Variants in ANOS1 observed in about 807,000 individuals in gnomAD.
ANOS1 encodes anosmin 1.
ANOS1 carries 6 observed loss-of-function variants against 59.0 expected under a neutral mutation model. The observed-to-expected ratio is 0.10, with a 90% CI of 0.06 to 0.20. The LOEUF (loss-of-function observed/expected upper bound fraction) is 0.20. Ranked by LOEUF, ANOS1 falls within the 10% of genes least tolerant of loss-of-function variation. The pLI is 1.00. For missense variants in ANOS1, 433 were observed against 542.3 expected (o/e 0.80, Z 2.00); for synonymous variants, 217 against 223.4 (o/e 0.97, Z 0.25).
chrX:8,610,033 A>AAAAAAAAAC (rs1287806402), intron 3 of ANOS1, among the ~76,000 whole-genome samples: 1 of 82,701 alleles, frequency 1.2e-5, no homozygotes, highest in Non-Finnish European at 2.3e-5. Context: ...AAAAAAAAAA[A>AAAAAAAAAC]AACAACAACC....
intron 3 of ANOS1, among the ~76,000 whole-genome samples, chrX:8,623,003 G>A (rs914574876): frequency 1.8e-5 from 2 of 108,155 alleles, no homozygotes; most frequent in South Asian, 4.2e-4. Context: ...ATAGCCGGAT[G>A]GATGGATAGC....
intron 3 of ANOS1, among the ~76,000 whole-genome samples, chrX:8,610,033 A>AAAAAAAAAAAAAC (rs1287806402): frequency 2.4e-5 from 2 of 82,703 alleles, no homozygotes; most frequent in African/African-American, 9.8e-5. Flanking sequence ...AAAAAAAAAA[A>AAAAAAAAAAAAAC]AACAACAACC....
intron 1 of ANOS1, among the ~76,000 whole-genome samples, chrX:8,705,324 A>C (rs1339271244): frequency 8.9e-6 from 1 of 112,012 alleles, no homozygotes; most frequent in Non-Finnish European, 1.9e-5. Flanking sequence ...ATATGCATGC[A>C]CACACACAGA....
intron 2 of ANOS1, among the ~76,000 whole-genome samples, chrX:8,641,828 G>C (rs1467319183): frequency 1.8e-5 from 2 of 110,690 alleles, no homozygotes; most frequent in East Asian, 5.6e-4. Flanking sequence ...AATGCTTAGA[G>C]TTCTAGATAG....
chrX:8,575,137 G>C (rs1484617534), intron 6 of ANOS1, among the ~76,000 whole-genome samples: 1 of 112,279 alleles, frequency 8.9e-6, no homozygotes, highest in Non-Finnish European at 1.9e-5. Context: ...AATCAGAATT[G>C]CTAGATCACA....
At chrX:8,620,891 G>A (rs189099579) in intron 3 of ANOS1, among the ~76,000 whole-genome samples, 230 of 111,948 alleles carry the variant, frequency 2.1e-3, no homozygotes, top group Non-Finnish European at 3.5e-3. Flanking sequence ...ACACCTCACA[G>A]TTACCTCAGA....
Position 8,531,691 on chromosome X carries a change from A to T in ANOS1, c.*1304T>A, listed in dbSNP as rs762383710. 1.8e-5 allele frequency: 2 copies of T among 111,696 alleles called. No individual in the cohort carries two copies. The highest frequency in any genetic ancestry group is 3.8e-5 in the Non-Finnish European group (2 of 53,111). The allele number at this position is 111,696 out of a possible 1,213,427, so 9.2% of individuals were successfully genotyped here. On this transcript the variant is annotated 3_prime_UTR_variant, in exon 14 of 14. Coordinates refer to ENST00000262648, the MANE Select transcript of ANOS1 (RefSeq NM_000216.4). ...CATGTATATGCATGTGTCTGTGTGT[A>T]TATACATGTATATGTACATATATTT...
chrX:8,614,327 C>G (rs1458710700), intron 3 of ANOS1, among the ~76,000 whole-genome samples: 1 of 112,259 alleles, frequency 8.9e-6, no homozygotes, highest in African/African-American at 3.2e-5. Context: ...CTCCTCTATG[C>G]TCTAGAGACA....
rs1930493759 is a variant in ANOS1 at position 8,585,372 on chromosome X, T to A, written c.751A>T (p.Thr251Ser). The change falls in exon 6 of 14, where the codon ACT (threonine) becomes TCT (serine). Residue 251 changes from threonine to serine, a missense_variant. Coordinates refer to ENST00000262648, the MANE Select transcript of ANOS1 (RefSeq NM_000216.4). ...AQTTDERVQLTDIRPSRWYQF... is the reference protein window; with the variant it reads ...AQTTDERVQLSDIRPSRWYQF... The stretch of plus-strand genomic sequence containing the variant: ...TACCATCGGCTGGGTCTTATGTCAG[T>A]CAGTTGAACTCGCTCGTCTGTGGTC... The A allele has an allele frequency of 1.7e-6, 2 of 1,211,232 alleles. No homozygotes were observed. Among genetic ancestry groups the A allele is most frequent in the Non-Finnish European group, 2.2e-6 (2 of 895,076 alleles).
intron 3 of ANOS1, among the ~76,000 whole-genome samples, chrX:8,607,721 C>T (rs983094638): frequency 9.0e-6 from 1 of 111,674 alleles, no homozygotes; most frequent in Non-Finnish European, 1.9e-5. Context: ...ATGCAATGTT[C>T]AGCCCACTAA....
At chrX:8,636,626 T>C (rs1931577226) in intron 2 of ANOS1, among the ~76,000 whole-genome samples, 1 of 111,807 alleles carries the variant, frequency 8.9e-6, no homozygotes, top group African/African-American at 3.3e-5. Context: ...TAGAAGGAGC[T>C]TGTAACACTG....
chrX:8,649,934 A>AAAATTTGC (rs1243842640), intron 2 of ANOS1, among the ~76,000 whole-genome samples: 6 of 112,708 alleles, frequency 5.3e-5, no homozygotes, highest in African/African-American at 1.9e-4. Context: ...TGCAAATTAT[A>AAAATTTGC]AAATTTGCAA....
intron 2 of ANOS1, among the ~76,000 whole-genome samples, chrX:8,633,557 G>A (rs1052776233): frequency 2.7e-5 from 3 of 111,800 alleles, no homozygotes; most frequent in Admixed American, 9.5e-5. Context: ...TATTCCCATG[G>A]TCACTGCTCA....
intron 4 of ANOS1, among the ~76,000 whole-genome samples, chrX:8,591,212 A>AT (rs1930610173): frequency 9.0e-6 from 1 of 111,666 alleles, no homozygotes; most frequent in Non-Finnish European, 1.9e-5. Context: ...TCATTCTTGC[A>AT]TTGAAGGGTG....
intron 2 of ANOS1, among the ~76,000 whole-genome samples, chrX:8,661,580 C>G (rs373092480): frequency 8.9e-6 from 1 of 112,051 alleles, no homozygotes; most frequent in South Asian, 3.7e-4. Flanking sequence ...GAATACAGCC[C>G]GTAACAGTAG....
At chrX:8,589,676 A>G (rs1325852202) in intron 4 of ANOS1, among the ~76,000 whole-genome samples, 1 of 111,860 alleles carries the variant, frequency 8.9e-6, no homozygotes, top group African/African-American at 3.2e-5. Context: ...TGTATTGTAA[A>G]CTTTTCATCT....
At chrX:8,586,518 A>C in intron 5 of ANOS1, among the ~76,000 whole-genome samples, 1 of 112,323 alleles carries the variant, frequency 8.9e-6, no homozygotes, top group South Asian at 3.7e-4. Context: ...AACAGTAAAA[A>C]ATAATACCAG....
chrX:8,557,056 T>C (rs1401896805), intron 8 of ANOS1, among the ~76,000 whole-genome samples: 2 of 111,483 alleles, frequency 1.8e-5, no homozygotes, highest in Admixed American at 9.5e-5. Context: ...TTGACAAACC[T>C]GACAAAAGCA....
intron 2 of ANOS1, among the ~76,000 whole-genome samples, chrX:8,672,562 C>T (rs1375670356): frequency 8.9e-6 from 1 of 112,074 alleles, no homozygotes; most frequent in African/African-American, 3.2e-5. Context: ...TCTTTCATTG[C>T]TAACAAGCTC....
Sources: allele counts gnomAD v4.1 joint callset (sites outside exome capture counted in the v4.1 genomes callset), GRCh38; gene constraint gnomAD v4.1.1; transcripts MANE v1.5; gene names NCBI Gene and HGNC (gene_info 2026-07-23, HGNC 2026-07-21).